The following PPP2R2C variants were observed in gnomAD, a reference collection of about 807,000 sequenced individuals.
PPP2R2C encodes the protein protein phosphatase 2 regulatory subunit Bgamma, also known as protein phosphatase 2, regulatory subunit B, gamma.
PPP2R2C carries 10 observed loss-of-function variants against 45.3 expected under a neutral mutation model. That is an observed-to-expected ratio of 0.22 (90% CI 0.14 to 0.37). The LOEUF is 0.37. PPP2R2C is among the 10% of genes least tolerant of loss of function. PPP2R2C has a pLI of 1.00. For missense variants in PPP2R2C, 308 were observed against 619.7 expected (o/e 0.50, Z 5.34); for synonymous variants, 257 against 245.4 (o/e 1.05, Z -0.44).
chr4:6,378,425 A>C lies in PPP2R2C; in HGVS notation c.316T>G (p.Ser106Ala). The change falls in exon 3 of 9, where the codon TCA (serine) becomes GCA (alanine). Residue 106 changes from serine to alanine, a missense_variant. Transcript: ENST00000382599. This position sits in a 1 kb window ranked among gnomAD's most constrained non-coding sequence, Gnocchi z 5.2. ...KWLPQQNAAH[S>A]LLSTNDKTIK... Reference sequence around the variant, plus strand: ...GCCTCACCGTTGGTGGACAGGAGTGAGTGGGCGGCGTTCTGCTGTGGGAGC... The same window carrying C: ...GCCTCACCGTTGGTGGACAGGAGTGCGTGGGCGGCGTTCTGCTGTGGGAGC... The C allele has an allele frequency of 6.2e-7, 1 of 1,614,190 alleles. No homozygotes were observed.
chr4:6,394,880 C>A (rs112974772), intron 1 of PPP2R2C, among the ~76,000 whole-genome samples: 1 of 152,228 alleles, frequency 6.6e-6, no homozygotes, highest in South Asian at 2.1e-4. Context: ...CATCAGCCCC[C>A]TTCCCAGGCC....
intron 1 of PPP2R2C, among the ~76,000 whole-genome samples, chr4:6,416,042 C>T (rs2109380891): frequency 6.6e-6 from 1 of 152,354 alleles, no homozygotes; most frequent in Non-Finnish European, 1.5e-5. Flanking sequence ...CTAGCAGTCC[C>T]TGCTGTCACC....
chr4:6,439,384 G>C (rs1006848377), intron 1 of PPP2R2C, among the ~76,000 whole-genome samples: 1 of 152,202 alleles, frequency 6.6e-6, no homozygotes, highest in South Asian at 2.1e-4. Context: ...TGCTTTTCCA[G>C]TTTCTAATGC....
intron 1 of PPP2R2C, among the ~76,000 whole-genome samples, chr4:6,456,043 C>T (rs772014228): frequency 6.6e-6 from 1 of 152,178 alleles, no homozygotes; most frequent in African/African-American, 2.4e-5. Flanking sequence ...ACCCCACCCA[C>T]ACACCTGTTA....
At chr4:6,461,091 G>A (rs1323292377) in intron 1 of PPP2R2C, among the ~76,000 whole-genome samples, 2 of 152,040 alleles carry the variant, frequency 1.3e-5, no homozygotes, top group African/African-American at 2.4e-5. Flanking sequence ...TGATCCACCT[G>A]GGCATCACCT....
At chr4:6,376,234 A>G (rs1715290373) in intron 3 of PPP2R2C, among the ~76,000 whole-genome samples, 1 of 152,204 alleles carries the variant, frequency 6.6e-6, no homozygotes, top group South Asian at 2.1e-4. Flanking sequence ...TGACTACTAC[A>G]GGAGTCAAAA....
At chr4:6,476,531 C>T (rs1722149029), upstream of PPP2R2C, among the ~76,000 whole-genome samples, 3 of 152,160 alleles carry the variant, frequency 2.0e-5, no homozygotes, top group Admixed American at 6.5e-5. Context: ...ATCAGGAAGC[C>T]CTCATCAGAC....
At chr4:6,411,499 T>G (rs867726967) in intron 1 of PPP2R2C, among the ~76,000 whole-genome samples, 4 of 152,236 alleles carry the variant, frequency 2.6e-5, no homozygotes, top group South Asian at 2.1e-4. Context: ...ATACTCTTGT[T>G]GGTGCCTCTT....
chr4:6,372,345 G>A (rs543336183), intron 5 of PPP2R2C, among the ~76,000 whole-genome samples, 178 bp downstream of exon 5: 48 of 152,322 alleles, frequency 3.2e-4, no homozygotes, highest in Non-Finnish European at 5.4e-4. Context: ...AGAAACAGAC[G>A]TGACATGATT....
chr4:6,399,961 T>C (rs971021328), intron 1 of PPP2R2C, among the ~76,000 whole-genome samples: 5 of 152,244 alleles, frequency 3.3e-5, no homozygotes, highest in African/African-American at 1.2e-4. Context: ...TGTTTCCTGC[T>C]CTGTCTCCAT....
chr4:6,377,291 G>A (rs956468322), intron 3 of PPP2R2C, among the ~76,000 whole-genome samples: 1 of 152,194 alleles, frequency 6.6e-6, no homozygotes, highest in African/African-American at 2.4e-5. Flanking sequence ...CCAGAAGGGA[G>A]ATGTGTCCAC....
At chr4:6,416,223 G>C (rs1279086364) in intron 1 of PPP2R2C, among the ~76,000 whole-genome samples, 1 of 91,540 alleles carries the variant, frequency 1.1e-5, no homozygotes, top group African/African-American at 3.7e-5. Context: ...CGTGTGCCCA[G>C]CCCTGGGGTG....
rs1718027213 is a variant in PPP2R2C, at chr4:6,409,709, A to G, written c.71-28615T>C. On this transcript the variant is annotated intron_variant, in intron 1 of 8. Transcript: ENST00000382599. Reference sequence around the variant, plus strand: ...CCCCCCATATCCCAGCCCTGGAGACACTAAGGTTGGTCGGGGTTCAGGACT... The same window carrying G: ...CCCCCCATATCCCAGCCCTGGAGACGCTAAGGTTGGTCGGGGTTCAGGACT... Among the ~76,000 whole-genome samples, 4 of 152,272 alleles carry G rather than the reference A, an allele frequency of 2.6e-5. No individual in the cohort carries two copies. The South Asian group carries it at 8.3e-4, about 32-fold the overall frequency.
At chr4:6,477,413 C>T (rs1354499235), upstream of PPP2R2C, among the ~76,000 whole-genome samples, 2 of 152,156 alleles carry the variant, frequency 1.3e-5, no homozygotes, top group Admixed American at 6.5e-5. Flanking sequence ...TCACCTCTAA[C>T]GCCAAACCCA....
chr4:6,460,495 C>T (rs910458477), intron 1 of PPP2R2C, among the ~76,000 whole-genome samples: 1 of 152,068 alleles, frequency 6.6e-6, no homozygotes, highest in Non-Finnish European at 1.5e-5. Flanking sequence ...TATAGAAGTC[C>T]CAGCAAGCTA....
chr4:6,472,052 G>A, intron 1 of PPP2R2C, 108 bp downstream of exon 1: 1 of 1,360,940 alleles, frequency 7.3e-7, no homozygotes, highest in South Asian at 1.3e-5. Flanking sequence ...GGGTGGGGCG[G>A]GGGGACACGA....
At chr4:6,438,370 G>A (rs1380189877) in intron 1 of PPP2R2C, among the ~76,000 whole-genome samples, 1 of 152,184 alleles carries the variant, frequency 6.6e-6, no homozygotes, top group Admixed American at 6.5e-5. Flanking sequence ...AGCCTCAAAG[G>A]AATGTGGCCC....
chr4:6,369,457 G>A (rs985466835), intron 5 of PPP2R2C, among the ~76,000 whole-genome samples: 2 of 152,106 alleles, frequency 1.3e-5, no homozygotes, highest in Middle Eastern at 3.2e-3. Flanking sequence ...AAATTACTTC[G>A]GCAAAAATAA....
chr4:6,532,835 A>T (rs2108823998), intron 2 of PPP2R2C, among the ~76,000 whole-genome samples: 1 of 152,314 alleles, frequency 6.6e-6, no homozygotes, highest in East Asian at 1.9e-4. Flanking sequence ...TTCTGAGTCA[A>T]GTCCCAAGGC....
Sources: gnomAD v4.1 joint callset for allele counts (sites outside exome capture counted in the v4.1 genomes callset) on GRCh38, gnomAD v4.1.1 for gene constraint, Gnocchi (gnomAD v3.1) non-coding constraint, MANE v1.5 for transcripts, NCBI Gene and HGNC (gene_info 2026-07-23, HGNC 2026-07-21) for gene names.